The following EXT2 variants were observed in gnomAD, a reference collection of about 807,000 sequenced individuals.
The protein encoded by EXT2 is exostosin glycosyltransferase 2.
EXT2 carries 53 observed loss-of-function variants against 81.6 expected under a neutral mutation model. The observed-to-expected ratio is 0.65, with a 90% CI of 0.52 to 0.82. EXT2 has a LOEUF of 0.82. Ranked by LOEUF, EXT2 falls within the 40% of genes least tolerant of loss-of-function variation. The pLI is 0.00. For missense variants in EXT2, 774 were observed against 910.2 expected (o/e 0.85, Z 1.93); for synonymous variants, 320 against 340.0 (o/e 0.94, Z 0.65).
chr11:44,193,789 C>G (rs1260710068), intron 8 of EXT2, among the ~76,000 whole-genome samples: 2 of 152,162 alleles, frequency 1.3e-5, no homozygotes, highest in African/African-American at 4.8e-5. Context: ...GCTGTCCATA[C>G]CCCCCATGCT....
At chr11:44,122,206 TCTTAA>T (rs1954328306) in intron 4 of EXT2, among the ~76,000 whole-genome samples, 2 of 152,158 alleles carry the variant, frequency 1.3e-5, no homozygotes, top group Admixed American at 1.3e-4. Flanking sequence ...ACCATTTAGC[TCTTAA>T]CTTGATGCAT....
intron 10 of EXT2, among the ~76,000 whole-genome samples, chr11:44,212,306 AAT>A (rs377691101): frequency 0.1 from 707 of 6,756 alleles, 29 homozygotes; most frequent in African/African-American, 0.16. Context: ...AATATAAATA[AAT>A]AAATAAATAA....
intron 4 of EXT2, among the ~76,000 whole-genome samples, chr11:44,120,665 T>C (rs1055576827): frequency 6.6e-6 from 1 of 152,258 alleles, no homozygotes; most frequent in Non-Finnish European, 1.5e-5. Flanking sequence ...CCCACATCTC[T>C]TGCGGGCTAT....
At chr11:44,233,787 G>A (rs1477169424) in intron 11 of EXT2, among the ~76,000 whole-genome samples, 1 of 152,034 alleles carries the variant, frequency 6.6e-6, no homozygotes, top group African/African-American at 2.4e-5. Context: ...ACAATTCATG[G>A]GATTTACAGT....
chr11:44,167,749 AT>A (rs986236543), intron 7 of EXT2, among the ~76,000 whole-genome samples: 3 of 152,224 alleles, frequency 2.0e-5, no homozygotes, highest in Non-Finnish European at 4.4e-5. Flanking sequence ...TGACTCAGAT[AT>A]TGGAGTTTAT....
At chr11:44,147,775 CTTTTT>C (rs66961451) in intron 7 of EXT2, among the ~76,000 whole-genome samples, 5 of 103,396 alleles carry the variant, frequency 4.8e-5, no homozygotes, top group African/African-American at 1.2e-4. Context: ...TCCACATTGT[CTTTTT>C]TTTTTTTTTT....
rs528142359 is a variant in EXT2, at chr11:44,193,809, G to T, written c.1306-4020G>T. On this transcript the variant is annotated intron_variant, in intron 8 of 13. Transcript: ENST00000533608. ...CCATACCCCCCATGCTGCCTTCCCTGCTTCTCCAGTACTCAAGCCCTATTT... is the reference window on the plus strand; with the variant it reads ...CCATACCCCCCATGCTGCCTTCCCTTCTTCTCCAGTACTCAAGCCCTATTT... Among the ~76,000 whole-genome samples the T allele has an allele frequency of 2.6e-4, 40 of 152,282 alleles. 2 individuals are homozygous for T. The highest frequency in any genetic ancestry group is 6.8e-3 in the Middle Eastern group (2 of 294).
At chr11:44,117,119 G>A (rs1212045386) in intron 4 of EXT2, among the ~76,000 whole-genome samples, 1 of 152,030 alleles carries the variant, frequency 6.6e-6, no homozygotes, top group African/African-American at 2.4e-5. Flanking sequence ...ACAGGCGTGT[G>A]CCACCACGCC....
chr11:44,120,822 A>G lies in EXT2; in HGVS notation c.744-3967A>G, dbSNP rs568543375. On this transcript the variant is annotated intron_variant, in intron 4 of 13. Coordinates refer to ENST00000533608, the MANE Select transcript of EXT2 (RefSeq NM_207122.2). ...GAATTCTTGTCATTTTCCTTCTAAA[A>G]TGAACTAAATTGGGAGTTTACAACT... 9.2e-5 allele frequency among the ~76,000 whole-genome samples: 14 copies of G among 152,338 alleles called. No homozygotes were observed. The South Asian group carries it at 1.9e-3, about 20-fold the overall frequency.
At chr11:44,176,653 T>C (rs1955162306) in intron 8 of EXT2, among the ~76,000 whole-genome samples, 1 of 152,138 alleles carries the variant, frequency 6.6e-6, no homozygotes, top group Non-Finnish European at 1.5e-5. Context: ...TCCTCTTCCC[T>C]CAGAAATATT....
intron 13 of EXT2, among the ~76,000 whole-genome samples, chr11:44,238,000 A>T (rs1394015899): frequency 6.6e-6 from 1 of 151,158 alleles, no homozygotes; most frequent in East Asian, 1.9e-4. Context: ...GAGGCAGGAG[A>T]ATCACTTGAA....
chr11:44,187,952 T>C (rs1414262999), intron 8 of EXT2, among the ~76,000 whole-genome samples: 1 of 152,198 alleles, frequency 6.6e-6, no homozygotes, highest in Non-Finnish European at 1.5e-5. Context: ...TTTCATCTTG[T>C]ACCCAAATTT....
At chr11:44,194,611 T>G (rs1409372670) in intron 8 of EXT2, among the ~76,000 whole-genome samples, 1 of 152,208 alleles carries the variant, frequency 6.6e-6, no homozygotes, top group Non-Finnish European at 1.5e-5. Flanking sequence ...TCATTTGCTA[T>G]TTCTAGTTCT....
intron 7 of EXT2, among the ~76,000 whole-genome samples, chr11:44,136,180 C>G (rs1207666314): frequency 2.0e-5 from 3 of 152,164 alleles, no homozygotes; most frequent in Non-Finnish European, 4.4e-5. Context: ...GTGCTGCTGG[C>G]CAGTCTGTTA....
chr11:44,171,494 T>C, intron 7 of EXT2, 117 bp from the exon 8 acceptor site: 1 of 1,505,358 alleles, frequency 6.6e-7, no homozygotes, highest in South Asian at 1.1e-5. Context: ...GGCACCCCCA[T>C]CCCTACAACT....
At chr11:44,186,886 A>G (rs1048632931) in intron 8 of EXT2, among the ~76,000 whole-genome samples, 2 of 152,226 alleles carry the variant, frequency 1.3e-5, no homozygotes, top group African/African-American at 4.8e-5. Flanking sequence ...TCATATGATT[A>G]TCTGATTATG....
intron 10 of EXT2, among the ~76,000 whole-genome samples, chr11:44,231,388 C>G (rs1955897010): frequency 6.6e-6 from 1 of 152,156 alleles, no homozygotes; most frequent in Non-Finnish European, 1.5e-5. Context: ...GGAATCAAGA[C>G]TTATGTTTTG....
intron 10 of EXT2, among the ~76,000 whole-genome samples, chr11:44,207,975 G>A (rs887846502): frequency 9.2e-5 from 14 of 152,100 alleles, no homozygotes; most frequent in Non-Finnish European, 2.1e-4. Context: ...TAGATTAATA[G>A]ATTGATGTGC....
chr11:44,125,522 AC>A (rs1954387892), intron 5 of EXT2, among the ~76,000 whole-genome samples: 1 of 152,114 alleles, frequency 6.6e-6, no homozygotes, highest in Non-Finnish European at 1.5e-5. Flanking sequence ...TACTTCCATA[AC>A]CATAGGGAAA....
Sources: allele counts gnomAD v4.1 joint callset (sites outside exome capture counted in the v4.1 genomes callset), GRCh38; gene constraint gnomAD v4.1.1; transcripts MANE v1.5; gene names NCBI Gene and HGNC (gene_info 2026-07-23, HGNC 2026-07-21).